The following ATP2B1 variants were observed in gnomAD, a reference collection of about 807,000 sequenced individuals.
ATP2B1 encodes plasma membrane calcium-transporting ATPase 1.
ATP2B1 carries 14 observed loss-of-function variants against 124.2 expected under a neutral mutation model. That is an observed-to-expected ratio of 0.11 (90% CI 0.07 to 0.18). The LOEUF (loss-of-function observed/expected upper bound fraction) is 0.18. Ranked by LOEUF, ATP2B1 falls within the 10% of genes least tolerant of loss-of-function variation. ATP2B1 has a pLI of 1.00. For missense variants in ATP2B1, 763 were observed against 1,466.1 expected (o/e 0.52, Z 7.83); for synonymous variants, 449 against 492.4 (o/e 0.91, Z 1.17).
chr12:89,659,378 A>ACACACG lies in ATP2B1; in HGVS notation c.-221-3277_-221-3272dup, dbSNP rs749082621. 3.9e-4 allele frequency among the ~76,000 whole-genome samples: 59 copies of ACACACG among 152,044 alleles called. No individual in the cohort carries two copies. The South Asian group carries it at 6.5e-3, about 17-fold the overall frequency. On this transcript the variant is annotated intron_variant, in intron 1 of 20. Transcript: ENST00000428670. Reference sequence around the variant, plus strand: ...ACAAAACACACACACACACACACACACACACGCACAAGCACACGTAGCGGA... The same window carrying ACACACG: ...ACAAAACACACACACACACACACACACACACGCACACGCACAAGCACACGTAGCGGA...
chr12:89,703,225 AG>A (rs1892061440), intron 1 of ATP2B1, among the ~76,000 whole-genome samples: 1 of 152,220 alleles, frequency 6.6e-6, no homozygotes, highest in Admixed American at 6.5e-5. Context: ...GGTCTTAAAG[AG>A]GAAAATTATT....
intron 1 of ATP2B1, among the ~76,000 whole-genome samples, chr12:89,695,067 A>AAGAAAAG (rs1890984968): frequency 6.8e-6 from 1 of 146,080 alleles, no homozygotes; most frequent in African/African-American, 2.5e-5. Flanking sequence ...TCAAAAAAAA[A>AAGAAAAG]AAAAGAAAAG....
At position 89,647,729 on chromosome 12, in the gene ATP2B1, T is replaced by C. The variant is rs141296485; in HGVS notation, c.209-5374A>G. ...ATGTTTATCCCTTCCAAATCTCACG[T>C]TGAAATGTGATTACAAATGTTGGAG... On this transcript the variant is annotated intron_variant, in intron 2 of 20. Transcript: ENST00000428670. 1.0e-3 allele frequency among the ~76,000 whole-genome samples: 155 copies of C among 152,340 alleles called. 1 individual carries two copies. The highest frequency in any genetic ancestry group is 3.6e-3 in the African/African-American group (148 of 41,570).
At chr12:89,707,441 T>C (rs993507593) in intron 1 of ATP2B1, among the ~76,000 whole-genome samples, 7 of 152,132 alleles carry the variant, frequency 4.6e-5, no homozygotes, top group Non-Finnish European at 8.8e-5. Context: ...GATATATGCA[T>C]ATACCTACAC....
At chr12:89,665,653 G>A (rs771916552) in intron 1 of ATP2B1, among the ~76,000 whole-genome samples, 1 of 152,196 alleles carries the variant, frequency 6.6e-6, no homozygotes, top group Non-Finnish European at 1.5e-5. Flanking sequence ...TCTCACTGGT[G>A]TTGAAATTTT....
At position 89,625,933 on chromosome 12, in the gene ATP2B1, T is replaced by C. The variant is rs1192061396; in HGVS notation, c.1129+521A>G. ...AAAAAGATGCTACCGCTGGAGGTCA[T>C]GCTGTTTCTAACCTCAGAGCTCTGC... On this transcript the variant is annotated intron_variant, in intron 8 of 20. Coordinates refer to ENST00000428670, the MANE Select transcript of ATP2B1 (RefSeq NM_001366521.1). Among the ~76,000 whole-genome samples, 3 of 152,228 alleles carry C rather than the reference T, an allele frequency of 2.0e-5. 1 individual carries two copies. Among genetic ancestry groups the C allele is most frequent in the South Asian group, 4.1e-4 (2 of 4,836 alleles).
At chr12:89,630,471 C>T (rs752951523) in intron 6 of ATP2B1, 34 bp downstream of exon 6, 2 of 1,463,204 alleles carry the variant, frequency 1.4e-6, no homozygotes, top group African/African-American at 1.4e-5. Flanking sequence ...TGCCCTATTT[C>T]CAAATACCAA....
intron 1 of ATP2B1, among the ~76,000 whole-genome samples, chr12:89,696,981 A>G (rs1391156194): frequency 6.7e-6 from 1 of 149,638 alleles, no homozygotes; most frequent in Non-Finnish European, 1.5e-5. Flanking sequence ...ACAAAAGAAC[A>G]TTAGTTTTGT....
intron 1 of ATP2B1, among the ~76,000 whole-genome samples, chr12:89,667,484 G>A (rs1442772619): frequency 1.3e-5 from 2 of 152,156 alleles, no homozygotes; most frequent in South Asian, 4.1e-4. Context: ...TCAAGTGCCA[G>A]GCCATGTTCT....
At chr12:89,619,911 C>CA in intron 11 of ATP2B1, 88 bp downstream of exon 11, 1 of 1,506,744 alleles carries the variant, frequency 6.6e-7, no homozygotes, top group Non-Finnish European at 8.9e-7. Flanking sequence ...CTGATGTTCA[C>CA]AAAAAGACAA....
intron 2 of ATP2B1, 111 bp downstream of exon 2, chr12:89,655,568 A>T: frequency 9.6e-7 from 1 of 1,040,636 alleles, no homozygotes; most frequent in South Asian, 1.4e-5. Context: ...ATGTCACTAT[A>T]ATTATGTCAT....
chr12:89,679,689 G>T (rs1466032105), intron 1 of ATP2B1, among the ~76,000 whole-genome samples: 2 of 152,262 alleles, frequency 1.3e-5, no homozygotes, highest in East Asian at 3.9e-4. Flanking sequence ...TACATCGTAG[G>T]AGAGGGGAGG....
chr12:89,599,943 C>T (rs1213961085), intron 19 of ATP2B1, among the ~76,000 whole-genome samples: 1 of 152,134 alleles, frequency 6.6e-6, no homozygotes, highest in Non-Finnish European at 1.5e-5. Flanking sequence ...CAGGGAGAAA[C>T]AAGCATGTAG....
At chr12:89,702,091 G>A (rs1337124931) in intron 1 of ATP2B1, among the ~76,000 whole-genome samples, 1 of 152,210 alleles carries the variant, frequency 6.6e-6, no homozygotes, top group African/African-American at 2.4e-5. Context: ...ACTAAAGGGA[G>A]TTTTGTGAAA....
intron 1 of ATP2B1, among the ~76,000 whole-genome samples, chr12:89,674,587 T>C (rs961896514): frequency 6.6e-6 from 1 of 152,242 alleles, no homozygotes. Flanking sequence ...TGGATGATTA[T>C]TAATGATGAT....
chr12:89,643,085 CACACACAT>C (rs1883833276), intron 2 of ATP2B1, among the ~76,000 whole-genome samples: 1 of 151,040 alleles, frequency 6.6e-6, no homozygotes, highest in Admixed American at 6.6e-5. Flanking sequence ...CACACACACA[CACACACAT>C]ATATACATAC....
chr12:89,639,693 C>T lies in ATP2B1; in HGVS notation c.406+2465G>A, dbSNP rs1883229865. Among the ~76,000 whole-genome samples the T allele has an allele frequency of 2.6e-5, 4 of 151,890 alleles. No homozygotes were observed. In the South Asian group the frequency reaches 8.3e-4, roughly 32 times the overall value. On this transcript the variant is annotated intron_variant, in intron 3 of 20. Coordinates refer to ENST00000428670, the MANE Select transcript of ATP2B1 (RefSeq NM_001366521.1). ...GTGAACTCTGACTCTTTTAAAAGGGCCTTAGAACACCGACAGCTCTAGATT... is the reference window on the plus strand; with the variant it reads ...GTGAACTCTGACTCTTTTAAAAGGGTCTTAGAACACCGACAGCTCTAGATT...
Position 89,616,952 on chromosome 12 carries a change from C to T in ATP2B1, c.1917G>A (p.Pro639=), listed in dbSNP as rs139824200. 9.3e-6 allele frequency: 15 copies of T among 1,614,096 alleles called. No homozygotes were observed. The highest frequency in any genetic ancestry group is 2.2e-5 in the East Asian group (1 of 44,876). ...TGGTTCTCAAGCCTTCTGATGCCAT[C>T]GGTTCAATCACAGTTTTTACAATAT... ...RDDIVKTVIE[P]MASEGLRTIC... is the part of the protein sequence containing the mutation. The change falls in exon 12 of 21, where the codon CCG becomes CCA. Residue 639 remains proline, a synonymous_variant. Coordinates refer to ENST00000428670, the MANE Select transcript of ATP2B1 (RefSeq NM_001366521.1).
chr12:89,639,934 A>G (rs1348511293), intron 3 of ATP2B1, among the ~76,000 whole-genome samples: 1 of 152,194 alleles, frequency 6.6e-6, no homozygotes, highest in Non-Finnish European at 1.5e-5. Context: ...TGCTAACTCA[A>G]TTCTAGAAAA....
Sources: gnomAD v4.1 joint callset for allele counts (sites outside exome capture counted in the v4.1 genomes callset) on GRCh38, gnomAD v4.1.1 for gene constraint, MANE v1.5 for transcripts, NCBI Gene and HGNC (gene_info 2026-07-23, HGNC 2026-07-21) for gene names.